Variants in PKP4 observed in about 807,000 individuals in gnomAD.
PKP4 encodes the protein plakophilin 4, also known as plakophilin-4.
A neutral mutation model predicts 145.1 loss-of-function variants in PKP4; 90 were observed. The ratio of observed to expected loss-of-function variants is 0.62; its 90% CI spans 0.52 to 0.74. The LOEUF (loss-of-function observed/expected upper bound fraction) is 0.74. Among genes scored for constraint, PKP4 ranks in the 30% least tolerant of loss-of-function variants. PKP4 has a pLI of 0.00. For missense variants in PKP4, 1,340 were observed against 1,482.7 expected, an observed-to-expected ratio of 0.90 and a Z score of 1.58; for synonymous variants, 563 against 577.2, an observed-to-expected ratio of 0.98 and a Z score of 0.35.
At chr2:158,570,107 G>A (rs1441974600) in intron 2 of PKP4, among the ~76,000 whole-genome samples, 1 of 152,170 alleles carries the variant, frequency 6.6e-6, no homozygotes, top group Non-Finnish European at 1.5e-5. Flanking sequence ...TGGTTTATCA[G>A]TTATTAAGTA....
At chr2:158,533,091 A>G in intron 1 of PKP4, 89 bp from the exon 2 acceptor site, 1 of 1,334,854 alleles carries the variant, frequency 7.5e-7, no homozygotes, top group Non-Finnish European at 1.0e-6. Context: ...ACTGTAGTCT[A>G]CTGTAGTTGC....
intron 1 of PKP4, among the ~76,000 whole-genome samples, chr2:158,468,308 T>C (rs970061049): frequency 6.6e-6 from 1 of 152,220 alleles, no homozygotes; most frequent in Admixed American, 6.5e-5. Context: ...AACTTGTCTA[T>C]AAAATCAAGT....
chr2:158,677,994 T>C (rs2058153112), intron 20 of PKP4, among the ~76,000 whole-genome samples: 1 of 152,230 alleles, frequency 6.6e-6, no homozygotes, highest in South Asian at 2.1e-4. Flanking sequence ...ATCAGGAGTC[T>C]ACTATGGACT....
At chr2:158,483,235 A>G (rs1019891119) in intron 1 of PKP4, among the ~76,000 whole-genome samples, 1 of 151,964 alleles carries the variant, frequency 6.6e-6, no homozygotes, top group Non-Finnish European at 1.5e-5. Flanking sequence ...TTTTTCCTCA[A>G]TTATTTGTTC....
chr2:158,533,809 G>A (rs977415261), intron 2 of PKP4, among the ~76,000 whole-genome samples: 3 of 152,072 alleles, frequency 2.0e-5, no homozygotes, highest in Non-Finnish European at 2.9e-5. Flanking sequence ...AAAACTTGTC[G>A]AACTGTGCCA....
In PKP4 at chr2:158,512,843, A is replaced by G. The variant is rs1574201867; in HGVS notation, c.-5-20337A>G. ...CCTGGAGTAATATATAAACCAGAAC[A>G]CAAATTTATTAATTCATAATTATCA... On this transcript the variant is annotated intron_variant, in intron 1 of 21. Coordinates refer to ENST00000389759, the MANE Select transcript of PKP4 (RefSeq NM_003628.6). Among the ~76,000 whole-genome samples the G allele has an allele frequency of 2.6e-5, 4 of 152,328 alleles. No individual in the cohort carries two copies. The East Asian group carries it at 7.7e-4, about 29-fold the overall frequency.
chr2:158,643,875 C>T (rs1301235736), intron 11 of PKP4, among the ~76,000 whole-genome samples: 1 of 152,052 alleles, frequency 6.6e-6, no homozygotes, highest in Non-Finnish European at 1.5e-5. Flanking sequence ...AAGCGATTCT[C>T]TCGCCTCAGC....
chr2:158,570,831 CAATG>C (rs371915657), intron 2 of PKP4, among the ~76,000 whole-genome samples: 16 of 152,106 alleles, frequency 1.1e-4, no homozygotes, highest in African/African-American at 3.4e-4. Context: ...GAAAAATACT[CAATG>C]AAAGAGATAA....
At chr2:158,671,752 C>T (rs1379331590) in intron 17 of PKP4, among the ~76,000 whole-genome samples, 1 of 152,220 alleles carries the variant, frequency 6.6e-6, no homozygotes, top group East Asian at 1.9e-4. Flanking sequence ...GACAAGGTGC[C>T]AAACGAACAG....
intron 16 of PKP4, among the ~76,000 whole-genome samples, chr2:158,667,999 C>T (rs930977103): frequency 3.9e-5 from 6 of 152,168 alleles, no homozygotes; most frequent in African/African-American, 7.2e-5. Flanking sequence ...TATTTCACAA[C>T]GCAAAGACAC....
intron 11 of PKP4, among the ~76,000 whole-genome samples, chr2:158,654,771 A>C (rs979761694): frequency 5.3e-5 from 8 of 152,320 alleles, no homozygotes; most frequent in Admixed American, 3.3e-4. Flanking sequence ...GGGAGGTAAT[A>C]ATAATAATAC....
chr2:158,636,787 A>G (rs1446023331), intron 9 of PKP4, among the ~76,000 whole-genome samples: 15 of 152,146 alleles, frequency 9.9e-5, no homozygotes, highest in African/African-American at 3.6e-4. Context: ...ACTACAATCT[A>G]TTGTGAAGCC....
intron 3 of PKP4, among the ~76,000 whole-genome samples, chr2:158,601,465 A>G (rs2050221608): frequency 6.6e-6 from 1 of 152,206 alleles, no homozygotes; most frequent in South Asian, 2.1e-4. Context: ...CAGATTGAGG[A>G]GAAATTGAAA....
At chr2:158,519,477 C>T (rs551656518) in intron 1 of PKP4, among the ~76,000 whole-genome samples, 43 of 152,134 alleles carry the variant, frequency 2.8e-4, no homozygotes, top group Non-Finnish European at 5.4e-4. Flanking sequence ...GCGCTGACCA[C>T]CCAGCTGCAC....
intron 2 of PKP4, among the ~76,000 whole-genome samples, chr2:158,571,780 G>T (rs557453048): frequency 6.6e-6 from 1 of 152,296 alleles, no homozygotes; most frequent in East Asian, 1.9e-4. Flanking sequence ...GGAGGCCACA[G>T]GAGGATGAAG....
chr2:158,583,247 G>T (rs1036652031), intron 3 of PKP4, among the ~76,000 whole-genome samples: 7 of 152,292 alleles, frequency 4.6e-5, no homozygotes, highest in Non-Finnish European at 8.8e-5. Context: ...AGATTTCACT[G>T]GATACAGTGA....
intron 2 of PKP4, among the ~76,000 whole-genome samples, chr2:158,577,018 A>T (rs928864461): frequency 6.6e-6 from 1 of 152,168 alleles, no homozygotes; most frequent in Non-Finnish European, 1.5e-5. Context: ...CAGAACCAAA[A>T]TCAGAAAAGG....
At chr2:158,566,857 A>G (rs1192392777) in intron 2 of PKP4, among the ~76,000 whole-genome samples, 1 of 152,212 alleles carries the variant, frequency 6.6e-6, no homozygotes, top group African/African-American at 2.4e-5. Flanking sequence ...ACACATATCT[A>G]TACATCCTAT....
At chr2:158,676,047 C>T (rs2711035) in intron 19 of PKP4, among the ~76,000 whole-genome samples, 139,314 of 152,244 alleles carry the variant, frequency 0.92, 63,791 homozygotes, top group East Asian at 0.97. Flanking sequence ...TACGGTGTTA[C>T]TAGATGTTGG....
Sources: allele counts gnomAD v4.1 joint callset (sites outside exome capture counted in the v4.1 genomes callset), GRCh38; gene constraint gnomAD v4.1.1; transcripts MANE v1.5; gene names NCBI Gene and HGNC (gene_info 2026-07-23, HGNC 2026-07-21).